RALGAPA1: variants seen among roughly 807,000 people sequenced by gnomAD.
The protein encoded by RALGAPA1 is Ral GTPase activating protein catalytic subunit alpha 1.
A neutral mutation model predicts 269.6 loss-of-function variants in RALGAPA1; 52 were observed. The observed-to-expected ratio is 0.19, with a 90% CI of 0.15 to 0.24. The LOEUF is 0.24. Ranked by LOEUF, RALGAPA1 falls within the 10% of genes least tolerant of loss-of-function variation. The probability of loss-of-function intolerance (pLI) is 1.00; values close to 1 mark genes in which losing one functional copy is unlikely to be tolerated. For missense variants in RALGAPA1, 1,917 were observed against 3,013.9 expected (o/e 0.64, Z 8.52); for synonymous variants, 817 against 1,008.3 (o/e 0.81, Z 3.60).
chr14:35,789,546 C>T (rs913211734), intron 1 of RALGAPA1, among the ~76,000 whole-genome samples: 15 of 151,884 alleles, frequency 9.9e-5, no homozygotes, highest in African/African-American at 3.4e-4. Flanking sequence ...GAGCCGAGAT[C>T]GTGCCACTGC....
At chr14:35,575,443 A>C (rs372389846) in intron 37 of RALGAPA1, among the ~76,000 whole-genome samples, 1 of 152,194 alleles carries the variant, frequency 6.6e-6, no homozygotes, top group Non-Finnish European at 1.5e-5. Context: ...CCTCAAATAC[A>C]CTAGAATGTT....
chr14:35,783,421 GA>G (rs2075588325), intron 1 of RALGAPA1, among the ~76,000 whole-genome samples: 1 of 151,980 alleles, frequency 6.6e-6, no homozygotes, highest in African/African-American at 2.4e-5. Flanking sequence ...GACTATACTT[GA>G]AAAATTAACT....
chr14:35,667,662 A>G (rs755749631), intron 26 of RALGAPA1, among the ~76,000 whole-genome samples: 3 of 152,210 alleles, frequency 2.0e-5, no homozygotes, highest in Admixed American at 6.5e-5. Context: ...TGGGTAGCAA[A>G]GATCTAAAGT....
intron 1 of RALGAPA1, among the ~76,000 whole-genome samples, chr14:35,795,337 C>A (rs932058193): frequency 6.6e-6 from 1 of 152,048 alleles, no homozygotes; most frequent in African/African-American, 2.4e-5. Context: ...GACAGCTACA[C>A]ACAGTGAGAA....
chr14:35,755,877 G>A (rs1216881638), intron 7 of RALGAPA1, among the ~76,000 whole-genome samples: 1 of 152,082 alleles, frequency 6.6e-6, no homozygotes, highest in Admixed American at 6.6e-5. Context: ...TTTGTGTTTG[G>A]AGCCATTATA....
intron 41 of RALGAPA1, 120 bp downstream of exon 41, chr14:35,548,388 G>T: frequency 1.7e-6 from 1 of 594,160 alleles, no homozygotes; most frequent in Non-Finnish European, 2.7e-6. Flanking sequence ...GAAATGTTTA[G>T]TATGAACCGG....
chr14:35,625,590 A>T (rs2060944110), intron 34 of RALGAPA1, among the ~76,000 whole-genome samples, 158 bp from the exon 35 acceptor site: 1 of 152,220 alleles, frequency 6.6e-6, no homozygotes, highest in Non-Finnish European at 1.5e-5. Flanking sequence ...AAATGTAAAG[A>T]ATATACGTCA....
At chr14:35,562,890 A>T (rs1051700326) in intron 39 of RALGAPA1, among the ~76,000 whole-genome samples, 2 of 151,686 alleles carry the variant, frequency 1.3e-5, no homozygotes, top group African/African-American at 4.8e-5. Flanking sequence ...GCGTGGTGGC[A>T]TGCACCTGTA....
chr14:35,759,634 G>T lies in RALGAPA1; in HGVS notation c.547+1195C>A, dbSNP rs562711435. 2.6e-5 allele frequency among the ~76,000 whole-genome samples: 4 copies of T among 152,124 alleles called. No individual in the cohort carries two copies. In the East Asian group the frequency reaches 7.7e-4, roughly 29 times the overall value. On this transcript the variant is annotated intron_variant, in intron 6 of 41. Transcript: ENST00000680220. ...GTGAATGTTAGAAAAATCTGGTCGGGTGTAGTGGCTCATGTCTGTAATCCC... is the reference window on the plus strand; with the variant it reads ...GTGAATGTTAGAAAAATCTGGTCGGTTGTAGTGGCTCATGTCTGTAATCCC...
chr14:35,600,150 G>C (rs183796905), intron 36 of RALGAPA1, among the ~76,000 whole-genome samples: 2 of 100,768 alleles, frequency 2.0e-5, no homozygotes, highest in South Asian at 6.6e-4. Context: ...TTTTTTTTTT[G>C]TTAATGTCCC....
chr14:35,669,570 T>C (rs1369237661), intron 26 of RALGAPA1, among the ~76,000 whole-genome samples: 2 of 152,054 alleles, frequency 1.3e-5, no homozygotes, highest in Admixed American at 6.6e-5. Flanking sequence ...ATTTTATAGA[T>C]GAAGAAACTG....
At chr14:35,565,519 C>G (rs2056624210) in intron 39 of RALGAPA1, among the ~76,000 whole-genome samples, 1 of 151,928 alleles carries the variant, frequency 6.6e-6, no homozygotes, top group Non-Finnish European at 1.5e-5. Flanking sequence ...CACTGAGGTC[C>G]CCTGAGGAAG....
chr14:35,714,134 A>G (rs1423417201), intron 16 of RALGAPA1, among the ~76,000 whole-genome samples: 1 of 152,030 alleles, frequency 6.6e-6, no homozygotes, highest in African/African-American at 2.4e-5. Context: ...GCCACTCTTC[A>G]AGTCTCTTGG....
intron 12 of RALGAPA1, among the ~76,000 whole-genome samples, chr14:35,733,661 GA>G (rs1368345182): frequency 6.6e-6 from 1 of 151,870 alleles, no homozygotes; most frequent in Non-Finnish European, 1.5e-5. Context: ...ATACCTCAAG[GA>G]ACTAGAGAAA....
At chr14:35,543,439 A>G (rs2054189171) in intron 41 of RALGAPA1, among the ~76,000 whole-genome samples, 1 of 152,216 alleles carries the variant, frequency 6.6e-6, no homozygotes, top group African/African-American at 2.4e-5. Flanking sequence ...TCAAATGTGA[A>G]AAGCACAACA....
At chr14:35,645,249 G>C (rs2062327152) in intron 31 of RALGAPA1, among the ~76,000 whole-genome samples, 1 of 151,818 alleles carries the variant, frequency 6.6e-6, no homozygotes, top group Admixed American at 6.6e-5. Flanking sequence ...CCTCTCAAAG[G>C]CCCCACCTCC....
intron 35 of RALGAPA1, among the ~76,000 whole-genome samples, chr14:35,612,518 G>A (rs1157032475): frequency 6.6e-6 from 1 of 150,432 alleles, no homozygotes; most frequent in Non-Finnish European, 1.5e-5. Flanking sequence ...TACATTAGGC[G>A]AGGTCTTCTT....
chr14:35,621,165 T>C (rs995350730), intron 35 of RALGAPA1, among the ~76,000 whole-genome samples: 7 of 152,054 alleles, frequency 4.6e-5, no homozygotes, highest in African/African-American at 1.4e-4. Context: ...AAAACAGATA[T>C]ATAGACCAAC....
intron 39 of RALGAPA1, among the ~76,000 whole-genome samples, chr14:35,570,289 T>C (rs533365097): frequency 1.4e-3 from 209 of 144,800 alleles, no homozygotes; most frequent in African/African-American, 5.0e-3. Context: ...AAAAAAAGCA[T>C]GTGAAAGAAA....
Sources: allele counts gnomAD v4.1 joint callset (sites outside exome capture counted in the v4.1 genomes callset), GRCh38; gene constraint gnomAD v4.1.1; transcripts MANE v1.5; gene names NCBI Gene and HGNC (gene_info 2026-07-23, HGNC 2026-07-21).